Variants in SPECC1 observed in about 807,000 individuals in gnomAD.
SPECC1 encodes the protein sperm antigen with calponin homology and coiled-coil domains 1.
SPECC1 carries 62 observed loss-of-function variants against 104.1 expected under a neutral mutation model. The ratio of observed to expected loss-of-function variants is 0.60; its 90% CI spans 0.49 to 0.74. The LOEUF (loss-of-function observed/expected upper bound fraction) is 0.74, where lower values mean the gene tolerates loss of function less well. Ranked by LOEUF, SPECC1 falls within the 30% of genes least tolerant of loss-of-function variation. SPECC1 has a pLI of 0.00. For missense variants in SPECC1, 1,306 were observed against 1,310.5 expected (o/e 1.00, Z 0.05); for synonymous variants, 513 against 501.6 (o/e 1.02, Z -0.30).
At chr17:20,134,020 G>A (rs2049794884) in intron 3 of SPECC1, among the ~76,000 whole-genome samples, 1 of 151,656 alleles carries the variant, frequency 6.6e-6, no homozygotes, top group Admixed American at 6.6e-5. Flanking sequence ...TTCCCATATA[G>A]AATATTCACA....
intron 3 of SPECC1, among the ~76,000 whole-genome samples, chr17:20,152,784 G>A (rs1406653783): frequency 6.6e-6 from 1 of 152,104 alleles, no homozygotes; most frequent in Non-Finnish European, 1.5e-5. Context: ...CGATTCTCCT[G>A]CCTCAGCTGA....
At chr17:20,026,183 T>G (rs2044592921) in intron 1 of SPECC1, among the ~76,000 whole-genome samples, 1 of 151,828 alleles carries the variant, frequency 6.6e-6, no homozygotes, top group Non-Finnish European at 1.5e-5. Flanking sequence ...TTAATTTTCT[T>G]TTTTTTCCTT....
intron 1 of SPECC1, among the ~76,000 whole-genome samples, chr17:20,063,946 CCAAATGG>C (rs2046276387): frequency 6.6e-6 from 1 of 152,152 alleles, no homozygotes; most frequent in African/African-American, 2.4e-5. Flanking sequence ...GTGCTGAGGG[CCAAATGG>C]CCTCAGGGCA....
chr17:20,318,642 C>A lies in SPECC1; in HGVS notation c.*4577C>A, dbSNP rs2099726878. 8.8e-6 allele frequency: 2 copies of A among 227,208 alleles called. No homozygotes were observed. The highest frequency in any genetic ancestry group is 4.4e-5 in the African/African-American group (2 of 44,960). The allele number at this position is 227,208 out of a possible 1,614,324, so 14.1% of individuals were successfully genotyped here. ...TACCAAATCTAGCAATAGTTCTCAC[C>A]CTTCCAAAGCTCGAGTGCCATTTTG... is the stretch of plus-strand genomic sequence containing the variant. On this transcript the variant is annotated 3_prime_UTR_variant, in exon 15 of 15. Coordinates refer to ENST00000395527, the MANE Select transcript of SPECC1 (RefSeq NM_001243439.2).
chr17:20,129,311 A>C (rs1045646699), intron 3 of SPECC1, among the ~76,000 whole-genome samples: 1 of 151,620 alleles, frequency 6.6e-6, no homozygotes, highest in Non-Finnish European at 1.5e-5. Flanking sequence ...CAGCCTCCCG[A>C]GTAGCTGGGG....
At chr17:20,252,725 C>T (rs1426961276) in intron 9 of SPECC1, among the ~76,000 whole-genome samples, 2 of 152,156 alleles carry the variant, frequency 1.3e-5, no homozygotes, top group African/African-American at 4.8e-5. Context: ...GAATAATATT[C>T]CATTGTATAT....
chr17:20,037,595 A>T (rs2045144156), intron 1 of SPECC1, among the ~76,000 whole-genome samples: 1 of 151,942 alleles, frequency 6.6e-6, no homozygotes, highest in African/African-American at 2.4e-5. Context: ...CACCCACTTC[A>T]TAAAATGAAC....
At chr17:20,208,598 C>T (rs2036934837) in intron 4 of SPECC1, among the ~76,000 whole-genome samples, 1 of 152,236 alleles carries the variant, frequency 6.6e-6, no homozygotes, top group Admixed American at 6.5e-5. Flanking sequence ...GTCCTCTTGA[C>T]TTACCCAGTG....
chr17:20,175,501 C>G (rs887249679), intron 3 of SPECC1, among the ~76,000 whole-genome samples: 1 of 152,138 alleles, frequency 6.6e-6, no homozygotes, highest in Non-Finnish European at 1.5e-5. Flanking sequence ...TTTAAAACTT[C>G]TATTCATTTC....
chr17:20,164,400 C>T (rs997266452), intron 3 of SPECC1, among the ~76,000 whole-genome samples: 1 of 152,114 alleles, frequency 6.6e-6, no homozygotes, highest in African/African-American at 2.4e-5. Flanking sequence ...CTCCTGGCCT[C>T]AAGCGGTCCT....
chr17:20,231,925 C>T lies in SPECC1; in HGVS notation c.2145+94C>T, dbSNP rs1333011129. ...CTCTCTATCCTGCTTTCTCTTGGAA[C>T]GTTTCCACGGCATGGTGGGCCCTGG... On this transcript the variant is annotated intron_variant, in intron 6 of 14. Coordinates refer to ENST00000395527, the MANE Select transcript of SPECC1 (RefSeq NM_001243439.2). The T allele has an allele frequency of 3.0e-6, 4 of 1,328,656 alleles. No homozygotes were observed. In the Admixed American group the frequency reaches 7.1e-5, roughly 23 times the overall value. The allele number at this position is 1,328,656 out of a possible 1,614,324, so 82.3% of individuals were successfully genotyped here.
intron 14 of SPECC1, among the ~76,000 whole-genome samples, chr17:20,311,379 T>TG (rs1345779669): frequency 6.6e-6 from 1 of 150,600 alleles, no homozygotes; most frequent in Non-Finnish European, 1.5e-5. Context: ...GTACATTTTT[T>TG]TTTTGTTTTT....
At chr17:20,117,339 CCTTT>C (rs1233266148) in intron 3 of SPECC1, among the ~76,000 whole-genome samples, 1 of 151,946 alleles carries the variant, frequency 6.6e-6, no homozygotes, top group Non-Finnish European at 1.5e-5. Flanking sequence ...CTTGGAAGAA[CCTTT>C]CTAAGTAGGA....
chr17:20,127,574 A>G (rs534950304), intron 3 of SPECC1, among the ~76,000 whole-genome samples: 1 of 150,976 alleles, frequency 6.6e-6, no homozygotes, highest in South Asian at 2.1e-4. Flanking sequence ...TCTCAAAGTG[A>G]TGGGATTATA....
chr17:20,221,689 T>C (rs2037885300), intron 4 of SPECC1, among the ~76,000 whole-genome samples: 2 of 152,138 alleles, frequency 1.3e-5, no homozygotes, highest in Non-Finnish European at 2.9e-5. Flanking sequence ...TCATTTTGGG[T>C]TTCATTTGCT....
intron 1 of SPECC1, among the ~76,000 whole-genome samples, chr17:20,036,144 A>AT (rs144861908): frequency 0.068 from 10,159 of 149,576 alleles, 935 homozygotes; most frequent in African/African-American, 0.21. Context: ...GCTTTATTTT[A>AT]TTTTTTTTGA....
intron 3 of SPECC1, among the ~76,000 whole-genome samples, chr17:20,120,162 C>A (rs751450393): frequency 6.6e-6 from 1 of 152,088 alleles, no homozygotes; most frequent in Non-Finnish European, 1.5e-5. Flanking sequence ...CCGAGGCAGG[C>A]GGATCACCTG....
At chr17:20,236,392 GCT>G (rs1011735602) in intron 7 of SPECC1, among the ~76,000 whole-genome samples, 12 of 139,216 alleles carry the variant, frequency 8.6e-5, no homozygotes, top group African/African-American at 3.7e-4. Flanking sequence ...ATTCTAAAGA[GCT>G]GTGTCTGCCT....
intron 1 of SPECC1, among the ~76,000 whole-genome samples, chr17:20,074,953 A>C (rs111554711): frequency 0.025 from 3,816 of 152,128 alleles, 163 homozygotes; most frequent in African/African-American, 0.086. Context: ...CCCAGGCTGG[A>C]GTGCAGTGTC....
Sources: gnomAD v4.1 joint callset for allele counts (sites outside exome capture counted in the v4.1 genomes callset) on GRCh38, gnomAD v4.1.1 for gene constraint, MANE v1.5 for transcripts, NCBI Gene and HGNC (gene_info 2026-07-23, HGNC 2026-07-21) for gene names.